The following ARHGEF10 variants were observed in gnomAD, a reference collection of about 807,000 sequenced individuals.
ARHGEF10 encodes the protein Rho guanine nucleotide exchange factor 10, also known as Rho guanine nucleotide exchange factor (GEF) 10.
ARHGEF10 carries 140 observed loss-of-function variants against 147.4 expected under a neutral mutation model. That is an observed-to-expected ratio of 0.95 (90% CI 0.83 to 1.09). The LOEUF (loss-of-function observed/expected upper bound fraction) is 1.09, where lower values mean the gene tolerates loss of function less well. Ranked by LOEUF, ARHGEF10 falls within the 50% of genes least tolerant of loss-of-function variation. The pLI, the probability that ARHGEF10 is intolerant of heterozygous loss-of-function variation, is 0.00. For missense variants in ARHGEF10, 2,222 were observed against 1,752.7 expected (o/e 1.27, Z -4.78); for synonymous variants, 902 against 695.8 (o/e 1.30, Z -4.67).
At chr8:1,910,520 C>T (rs1811277851) in intron 18 of ARHGEF10, among the ~76,000 whole-genome samples, 1 of 152,160 alleles carries the variant, frequency 6.6e-6, no homozygotes, top group Non-Finnish European at 1.5e-5. Context: ...TGGTATGCGT[C>T]TGTATCAAAC....
At chr8:1,926,562 T>C (rs1188319549) in intron 23 of ARHGEF10, 99 bp downstream of exon 23, 1 of 1,132,584 alleles carries the variant, frequency 8.8e-7, no homozygotes, top group East Asian at 2.4e-5. Context: ...CAGTAGAGAG[T>C]TGGCGGTGGC....
intron 7 of ARHGEF10, among the ~76,000 whole-genome samples, chr8:1,873,345 T>G (rs901416531): frequency 2.6e-5 from 4 of 152,158 alleles, no homozygotes; most frequent in Non-Finnish European, 4.4e-5. Flanking sequence ...TGTGTGTATG[T>G]TTATAAGAAC....
intron 5 of ARHGEF10, 103 bp from the exon 6 acceptor site, chr8:1,866,421 TGA>T (rs1806617040): frequency 1.2e-6 from 1 of 810,882 alleles, no homozygotes; most frequent in Non-Finnish European, 2.0e-6. Context: ...ATATATATTC[TGA>T]CACACACACA....
At chr8:1,925,068 A>T (rs1812582322) in intron 21 of ARHGEF10, among the ~76,000 whole-genome samples, 1 of 152,224 alleles carries the variant, frequency 6.6e-6, no homozygotes, top group African/African-American at 2.4e-5. Context: ...CCTGCCACTT[A>T]GATGGGGCCA....
At position 1,923,894 on chromosome 8, in the gene ARHGEF10, G is replaced by A. The variant is rs1396570563; in HGVS notation, c.2488+20G>A. ...CCCTAGGTAAGGCCTGGCTGGCTGA[G>A]GCTGAATGAGGCATGCGGCGTGATG... On this transcript the variant is annotated intron_variant, in intron 21 of 28. Transcript: ENST00000349830. 2 of 1,607,832 alleles carry A rather than the reference G, an allele frequency of 1.2e-6. No individual in the cohort carries two copies. The highest frequency in any genetic ancestry group is 1.3e-5 in the African/African-American group (1 of 74,906).
intron 7 of ARHGEF10, among the ~76,000 whole-genome samples, chr8:1,872,736 A>G (rs1156336328): frequency 6.6e-6 from 1 of 152,192 alleles, no homozygotes; most frequent in Non-Finnish European, 1.5e-5. Context: ...TGTTCTTAAA[A>G]TCTACCGCCA....
In ARHGEF10 at chr8:1,957,272, GC is replaced by G. The variant is rs1815662246; in HGVS notation, c.*11del. 6.2e-7 allele frequency: 1 copy of G among 1,604,132 alleles called. No homozygotes were observed. Among genetic ancestry groups the G allele is most frequent in the Non-Finnish European group, 8.5e-7 (1 of 1,177,592 alleles). On this transcript the variant is annotated 3_prime_UTR_variant, in exon 29 of 29. Coordinates refer to ENST00000349830, the MANE Select transcript of ARHGEF10 (RefSeq NM_014629.4). ...CTCTGCTGAATATATAAGCAGGACG[GC>G]CGCCTTCTGCTGTCAGAATTTGCAA...
At chr8:1,885,286 G>A (rs1269178498) in intron 10 of ARHGEF10, among the ~76,000 whole-genome samples, 1 of 152,040 alleles carries the variant, frequency 6.6e-6, no homozygotes, top group Non-Finnish European at 1.5e-5. Flanking sequence ...ATTTAATTTA[G>A]GAAATATTCT....
intron 7 of ARHGEF10, among the ~76,000 whole-genome samples, chr8:1,874,319 T>G (rs1390006674): frequency 6.6e-6 from 1 of 152,198 alleles, no homozygotes; most frequent in Non-Finnish European, 1.5e-5. Flanking sequence ...CAAACGTGCC[T>G]GATCCTGTGG....
intron 4 of ARHGEF10, among the ~76,000 whole-genome samples, chr8:1,861,780 G>A (rs939059056): frequency 6.6e-6 from 1 of 152,222 alleles, no homozygotes; most frequent in Non-Finnish European, 1.5e-5. Flanking sequence ...CGCTGCTGTT[G>A]TCACTCTGTG....
At chr8:1,928,993 A>T (rs751095794) in intron 24 of ARHGEF10, among the ~76,000 whole-genome samples, 15 of 152,246 alleles carry the variant, frequency 9.9e-5, no homozygotes, top group Non-Finnish European at 1.9e-4. Flanking sequence ...TGTCATGATC[A>T]TACTGAATTG....
chr8:1,845,804 C>A (rs1473544550), intron 2 of ARHGEF10, among the ~76,000 whole-genome samples: 2 of 152,110 alleles, frequency 1.3e-5, no homozygotes, highest in African/African-American at 2.4e-5. Flanking sequence ...GTTCCTGGGC[C>A]CATAGGACTC....
intron 26 of ARHGEF10, among the ~76,000 whole-genome samples, chr8:1,941,981 A>G (rs73544793): frequency 0.023 from 3,573 of 152,230 alleles, 151 homozygotes; most frequent in African/African-American, 0.082. Flanking sequence ...ATGAATTAAA[A>G]CATAAATGTA....
At chr8:1,951,013 A>G (rs1815000583) in intron 27 of ARHGEF10, among the ~76,000 whole-genome samples, 3 of 152,006 alleles carry the variant, frequency 2.0e-5, no homozygotes, top group Admixed American at 2.0e-4. Flanking sequence ...AGTATCTCAC[A>G]TCCCTGCTCC....
intron 18 of ARHGEF10, among the ~76,000 whole-genome samples, chr8:1,917,673 T>G (rs1811859414): frequency 1.3e-5 from 2 of 152,214 alleles, no homozygotes. Flanking sequence ...GACAAAGAAC[T>G]TCGCTCACAG....
intron 10 of ARHGEF10, among the ~76,000 whole-genome samples, 182 bp downstream of exon 10, chr8:1,882,931 G>T (rs551010816): frequency 1.3e-5 from 2 of 152,330 alleles, no homozygotes; most frequent in African/African-American, 4.8e-5. Context: ...GTCCTGCAGG[G>T]GTGGCGTTTT....
chr8:1,843,466 G>A (rs1350023467), intron 2 of ARHGEF10, 30 bp downstream of exon 2: 3 of 1,562,008 alleles, frequency 1.9e-6, no homozygotes, highest in Non-Finnish European at 2.6e-6. Flanking sequence ...GGGCCTGTGG[G>A]TCAGGTTGTG....
rs374934725 is a variant in ARHGEF10 at position 1,898,450 on chromosome 8, C to T, written c.1575C>T (p.Ser525=). Reference sequence around the variant, plus strand: ...CCCCACAGCAGGAACAGGAGGCCAGCCCCGATCGAACCACGCTCTACAGCC... The same window carrying T: ...CCCCACAGCAGGAACAGGAGGCCAGTCCCGATCGAACCACGCTCTACAGCC... The part of the protein sequence containing the change: ...LEFLKQEQEA[S]PDRTTLYSLM... The change falls in exon 15 of 29, where the codon AGC becomes AGT. Residue 525 remains serine, a synonymous_variant. Transcript: ENST00000349830. 8.7e-6 allele frequency: 14 copies of T among 1,614,136 alleles called. 1 individual carries two copies. In the South Asian group the frequency reaches 8.8e-5, roughly 10 times the overall value.
chr8:1,940,093 T>C (rs1330592087), intron 26 of ARHGEF10, among the ~76,000 whole-genome samples: 7 of 152,202 alleles, frequency 4.6e-5, no homozygotes, highest in Non-Finnish European at 1.0e-4. Context: ...TTTGGTTTTT[T>C]TAAATCATCT....
Sources: gnomAD v4.1 joint callset for allele counts (sites outside exome capture counted in the v4.1 genomes callset) on GRCh38, gnomAD v4.1.1 for gene constraint, MANE v1.5 for transcripts, NCBI Gene and HGNC (gene_info 2026-07-23, HGNC 2026-07-21) for gene names.